The following ZFHX3 variants were observed in gnomAD, a reference collection of about 807,000 sequenced individuals.
ZFHX3 encodes zinc finger homeobox 3.
In ZFHX3, 42 loss-of-function variants were observed where a neutral mutation model predicts 279.1. That is an observed-to-expected ratio of 0.15 (90% CI 0.12 to 0.19). The LOEUF is 0.19. Among genes scored for constraint, ZFHX3 ranks in the 10% least tolerant of loss-of-function variants. The pLI is 1.00. For synonymous variants in ZFHX3, 2,293 were observed against 1,957.8 expected (o/e 1.17, Z -4.52); for missense variants, 4,981 against 4,754.0 (o/e 1.05, Z -1.40).
intron 1 of ZFHX3, among the ~76,000 whole-genome samples, chr16:73,871,734 T>TAA (rs992457697): frequency 6.7e-6 from 1 of 149,502 alleles, no homozygotes; most frequent in Non-Finnish European, 1.5e-5. Flanking sequence ...AATCCCTCTT[T>TAA]AAAAAAAAAA....
At chr16:73,698,185 G>GA (rs954795367) in intron 1 of ZFHX3, among the ~76,000 whole-genome samples, 2 of 150,618 alleles carry the variant, frequency 1.3e-5, no homozygotes, top group African/African-American at 2.4e-5. Flanking sequence ...AACAATTTGA[G>GA]AAAAAAAAAT....
chr16:73,059,019 A>G, exon 1 of ZFHX3: 1 of 155,906 alleles, frequency 6.4e-6, no homozygotes. Flanking sequence ...GGAGCTGATG[A>G]GTGAAAAGAA....
At chr16:73,400,487 C>G (rs537550715) in intron 3 of ZFHX3, 1 of 152,312 alleles carries the variant, frequency 6.6e-6, no homozygotes, top group South Asian at 2.1e-4. Flanking sequence ...TCGGTCTCCA[C>G]GGGGGTCAGT....
chr16:73,059,637 A>T (rs989810332), exon 1 of ZFHX3: 11 of 151,186 alleles, frequency 7.3e-5, no homozygotes, highest in African/African-American at 2.7e-4. Context: ...GTGGAGGGGG[A>T]CAGCTTAGAG....
chr16:73,082,391 C>T (rs907300256), intron 8 of ZFHX3, among the ~76,000 whole-genome samples: 1 of 152,050 alleles, frequency 6.6e-6, no homozygotes, highest in African/African-American at 2.4e-5. Flanking sequence ...CCTCAGCCTC[C>T]CGAATAGCTG....
At chr16:72,927,972 G>A (rs1036576605) in intron 3 of ZFHX3, among the ~76,000 whole-genome samples, 1 of 133,092 alleles carries the variant, frequency 7.5e-6, no homozygotes, top group African/African-American at 2.9e-5. Context: ...TGAAACCCAC[G>A]GCCACTGTGC....
intron 2 of ZFHX3, among the ~76,000 whole-genome samples, chr16:73,496,588 G>A (rs2019146295): frequency 6.6e-6 from 1 of 152,142 alleles, no homozygotes; most frequent in South Asian, 2.1e-4. Context: ...CCAAAGTGGT[G>A]GGAAGGTTTG....
chr16:72,938,385 C>T (rs927792829), intron 3 of ZFHX3, among the ~76,000 whole-genome samples: 5 of 152,246 alleles, frequency 3.3e-5, no homozygotes, highest in African/African-American at 7.2e-5. Flanking sequence ...CTCCCCTCAG[C>T]GGAGCTGGGC....
At chr16:73,863,189 G>A (rs1416179227) in intron 1 of ZFHX3, among the ~76,000 whole-genome samples, 1 of 152,214 alleles carries the variant, frequency 6.6e-6, no homozygotes. Context: ...CTGGGCGACA[G>A]AGCGAGACTC....
intron 3 of ZFHX3, among the ~76,000 whole-genome samples, chr16:73,328,523 T>C (rs1051137154): frequency 1.3e-5 from 2 of 152,198 alleles, no homozygotes; most frequent in East Asian, 1.9e-4. Context: ...GTTTTAAATA[T>C]GGGGAATTGG....
intron 1 of ZFHX3, among the ~76,000 whole-genome samples, chr16:73,002,472 C>A (rs1464037888): frequency 6.6e-6 from 1 of 152,128 alleles, no homozygotes; most frequent in Non-Finnish European, 1.5e-5. Flanking sequence ...ATACTGCCCA[C>A]CCAGCTTATG....
intron 1 of ZFHX3, among the ~76,000 whole-genome samples, chr16:73,857,626 A>G (rs960868795): frequency 2.0e-5 from 3 of 152,156 alleles, no homozygotes; most frequent in Non-Finnish European, 4.4e-5. Context: ...AACAAGGCTA[A>G]CCCCCAAGAG....
intron 3 of ZFHX3, among the ~76,000 whole-genome samples, chr16:73,393,471 T>C (rs2017061509): frequency 6.6e-6 from 1 of 152,228 alleles, no homozygotes; most frequent in African/African-American, 2.4e-5. Flanking sequence ...CATATGCTAG[T>C]TCCTTTGAGA....
At chr16:73,831,986 T>C (rs1034405297) in intron 1 of ZFHX3, among the ~76,000 whole-genome samples, 9 of 152,166 alleles carry the variant, frequency 5.9e-5, no homozygotes, top group Admixed American at 5.9e-4. Flanking sequence ...CTGCAACCTC[T>C]GCCGCCCGGG....
chr16:73,055,698 GCACA>G (rs71156135), intron 1 of ZFHX3, among the ~76,000 whole-genome samples: 53 of 109,478 alleles, frequency 4.8e-4, no homozygotes, highest in African/African-American at 7.6e-4. Flanking sequence ...GCGCGCGCGC[GCACA>G]CACACACACA....
chr16:73,138,682 TTTTTGAGATAGGGTCTCAC>T (rs372173979), intron 6 of ZFHX3, among the ~76,000 whole-genome samples: 2,818 of 152,144 alleles, frequency 0.019, 79 homozygotes, highest in African/African-American at 0.063. Flanking sequence ...CCTACTTCTT[TTTTTGAGATAGGGTCTCAC>T]TTTTGAGATA....
At chr16:73,260,681 T>G (rs918313536) in intron 4 of ZFHX3, among the ~76,000 whole-genome samples, 1 of 25,054 alleles carries the variant, frequency 4.0e-5, no homozygotes, top group Non-Finnish European at 9.7e-5. Context: ...ACCTATCTGG[T>G]TTTTTTTTTT....
intron 5 of ZFHX3, among the ~76,000 whole-genome samples, chr16:73,214,963 A>C (rs1037287639): frequency 2.0e-5 from 3 of 150,974 alleles, no homozygotes; most frequent in Non-Finnish European, 2.9e-5. Flanking sequence ...GAAGGCCACA[A>C]GGCTTAGCCA....
chr16:73,846,649 C>T (rs146383920), intron 1 of ZFHX3, among the ~76,000 whole-genome samples: 1 of 152,168 alleles, frequency 6.6e-6, no homozygotes, highest in Non-Finnish European at 1.5e-5. Flanking sequence ...CCAAATGTCT[C>T]GGCGCCCCCT....
Sources: gnomAD v4.1 joint callset for allele counts (sites outside exome capture counted in the v4.1 genomes callset) on GRCh38, gnomAD v4.1.1 for gene constraint, MANE v1.5 for transcripts, NCBI Gene and HGNC (gene_info 2026-07-23, HGNC 2026-07-21) for gene names.